The following CNOT1 variants were observed in gnomAD, a reference collection of about 807,000 sequenced individuals.
CNOT1 encodes the protein CCR4-NOT transcription complex subunit 1.
CNOT1 carries 15 observed loss-of-function variants against 273.8 expected under a neutral mutation model. The ratio of observed to expected loss-of-function variants is 0.05; its 90% CI spans 0.04 to 0.08. The LOEUF is 0.08. Among genes scored for constraint, CNOT1 ranks in the 10% least tolerant of loss-of-function variants. The pLI is 1.00. For synonymous variants in CNOT1, 1,022 were observed against 1,005.5 expected (o/e 1.02, Z -0.31); for missense variants, 1,644 against 2,912.2 (o/e 0.56, Z 10.02).
chr16:58,521,581 G>GTCA (rs1408875065), intron 47 of CNOT1, among the ~76,000 whole-genome samples: 7 of 152,158 alleles, frequency 4.6e-5, no homozygotes, highest in Non-Finnish European at 8.8e-5. Flanking sequence ...CAGAATAAGG[G>GTCA]GTGATGGGGG....
intron 1 of CNOT1, among the ~76,000 whole-genome samples, chr16:58,624,430 G>A (rs1215953957): frequency 6.6e-6 from 1 of 152,218 alleles, no homozygotes; most frequent in Non-Finnish European, 1.5e-5. Flanking sequence ...TAAGCAACAG[G>A]TATGCTGGAG....
intron 34 of CNOT1, 47 bp from the exon 35 acceptor site, chr16:58,540,006 G>T: frequency 2.6e-6 from 4 of 1,553,808 alleles, no homozygotes; most frequent in South Asian, 1.2e-5. Context: ...AGAATGTTAA[G>T]GTTTTTTATT....
chr16:58,534,201 C>T lies in CNOT1; in HGVS notation c.5841G>A (p.Val1947=). The T allele has an allele frequency of 6.2e-7, 1 of 1,614,212 alleles. No individual in the cohort carries two copies. Among genetic ancestry groups the T allele is most frequent in the East Asian group, 2.2e-5 (1 of 44,890 alleles). Residue 1947 remains valine, a synonymous_variant, in exon 40 of 49, where the codon GTG becomes GTA. Transcript: ENST00000317147. The part of the protein sequence containing the change: ...DAFVRLIALL[V]KHSGEATNTV... ...TGTTGGTGGCCTCCCCTGAGTGTTT[C>T]ACGAGCAGTGCAATGAGTCGAACAA...
rs751892212 is a variant in CNOT1 at position 58,587,802 on chromosome 16, T to A, written c.287A>T (p.Asp96Val). The change falls in exon 4 of 49, where the codon GAT becomes GTT. Residue 96 changes from aspartate to valine, a missense_variant. Transcript: ENST00000317147. ...AACCTTCTGATAGTGCAATGGATTA[T>A]CAATGGCATAGGACAGCGTCGAGAT... Reference protein sequence around the residue: ...NFISTLSYAIDNPLHYQKSLK... With the variant: ...NFISTLSYAIVNPLHYQKSLK... 2 of 1,613,942 alleles carry A rather than the reference T, an allele frequency of 1.2e-6. No homozygotes were observed. Among genetic ancestry groups the A allele is most frequent in the South Asian group, 2.2e-5 (2 of 91,072 alleles).
chr16:58,621,401 G>C (rs938145167), intron 1 of CNOT1, among the ~76,000 whole-genome samples: 1 of 151,940 alleles, frequency 6.6e-6, no homozygotes, highest in East Asian at 2.0e-4. Context: ...AGCCTCCCAA[G>C]TAGCTGAGAT....
Position 58,567,440 on chromosome 16 carries a change from TGGTGAAG to T in CNOT1, c.1980-7085_1980-7079del, listed in dbSNP as rs1439207532. Among the ~76,000 whole-genome samples the T allele has an allele frequency of 6.7e-4, 101 of 150,238 alleles. 1 individual carries two copies. The highest frequency in any genetic ancestry group is 1.7e-3 in the Admixed American group (26 of 14,934). ...GGGTTTGAGACCATCCTGGGCAACA[TGGTGAAG>T]CCCCATTTCCACAGAAAATTAAAAA... On this transcript the variant is annotated intron_variant, in intron 16 of 48. Coordinates refer to ENST00000317147, the MANE Select transcript of CNOT1 (RefSeq NM_016284.5).
At chr16:58,583,851 T>A (rs1258688444) in intron 8 of CNOT1, among the ~76,000 whole-genome samples, 1 of 151,660 alleles carries the variant, frequency 6.6e-6, no homozygotes, top group Non-Finnish European at 1.5e-5. Flanking sequence ...AAAATTTTTT[T>A]AAAACAGGCA....
chr16:58,542,385 A>C (rs1400760779), intron 32 of CNOT1, 43 bp downstream of exon 32: 4 of 1,612,996 alleles, frequency 2.5e-6, no homozygotes, highest in Non-Finnish European at 3.4e-6. Flanking sequence ...CACTTCCCTA[A>C]ATTAAAAAAG....
intron 35 of CNOT1, among the ~76,000 whole-genome samples, chr16:58,539,482 C>G (rs1423205014): frequency 6.7e-6 from 1 of 150,226 alleles, no homozygotes; most frequent in Non-Finnish European, 1.5e-5. Flanking sequence ...CACACACACA[C>G]ACACACACAC....
intron 16 of CNOT1, among the ~76,000 whole-genome samples, chr16:58,573,416 C>T (rs2041349748): frequency 6.6e-6 from 1 of 151,898 alleles, no homozygotes; most frequent in African/African-American, 2.4e-5. Context: ...CAGCAGTACT[C>T]CCCCAAATGA....
At chr16:58,606,682 A>G (rs77997007) in intron 1 of CNOT1, among the ~76,000 whole-genome samples, 1 of 152,068 alleles carries the variant, frequency 6.6e-6, no homozygotes, top group Non-Finnish European at 1.5e-5. Context: ...AGGCACCTGT[A>G]ATCCCAGCTA....
chr16:58,582,296 A>C (rs2041684748), intron 10 of CNOT1, among the ~76,000 whole-genome samples: 1 of 152,096 alleles, frequency 6.6e-6, no homozygotes, highest in Non-Finnish European at 1.5e-5. Flanking sequence ...CGTCTAAAAA[A>C]AACAAACAAA....
intron 15 of CNOT1, 84 bp from the exon 16 acceptor site, chr16:58,574,844 T>TA: frequency 6.4e-7 from 1 of 1,563,916 alleles, no homozygotes; most frequent in Non-Finnish European, 8.6e-7. Context: ...GCACTATAAC[T>TA]AAAATCCAAA....
chr16:58,598,611 C>T (rs181259828), intron 2 of CNOT1, among the ~76,000 whole-genome samples: 14 of 149,774 alleles, frequency 9.3e-5, no homozygotes, highest in Non-Finnish European at 1.5e-4. Context: ...CCACTGCACA[C>T]GAGCCTGGGC....
chr16:58,551,118 G>A lies in CNOT1; in HGVS notation c.3342+14C>T. The A allele has an allele frequency of 1.2e-6, 2 of 1,606,174 alleles. No individual in the cohort carries two copies. Among genetic ancestry groups the A allele is most frequent in the South Asian group, 1.1e-5 (1 of 88,692 alleles). On this transcript the variant is annotated intron_variant, in intron 24 of 48. Coordinates refer to ENST00000317147, the MANE Select transcript of CNOT1 (RefSeq NM_016284.5). ...AAAAAAGAAGGCATTTATAAACTAT[G>A]ACAGCATGCTCACCTTTTGTGTCAT...
Position 58,546,382 on chromosome 16 carries a change from T to G in CNOT1, c.3945A>C (p.Gln1315His). 4 of 1,613,778 alleles carry G rather than the reference T, an allele frequency of 2.5e-6. No homozygotes were observed. Among genetic ancestry groups the G allele is most frequent in the Non-Finnish European group, 3.4e-6 (4 of 1,179,886 alleles). ...DKDRLKNLDE[Q>H]LSAPKKDVKQ... is the part of the protein sequence containing the mutation. ...TGACATCTTTCTTTGGAGCAGAGAG[T>G]TGCTCATCTAAATTCTTCAGGCGAT... Residue 1315 changes from glutamine (Q) to histidine (H), a missense_variant, in exon 29 of 49, where the codon CAA becomes CAC. Coordinates refer to ENST00000317147, the MANE Select transcript of CNOT1 (RefSeq NM_016284.5).
rs560112817 is a variant in CNOT1 at position 58,568,930 on chromosome 16, G to T, written c.1979+5679C>A. Among the ~76,000 whole-genome samples the T allele has an allele frequency of 3.3e-5, 5 of 152,222 alleles. No homozygotes were observed. In the South Asian group the frequency reaches 6.2e-4, roughly 19 times the overall value. On this transcript the variant is annotated intron_variant, in intron 16 of 48. Coordinates refer to ENST00000317147, the MANE Select transcript of CNOT1 (RefSeq NM_016284.5). ...ACAATGTGCTCTGCTGAAGAAGGAA[G>T]ATCTGATTCCAGGAAATGCCATATT...
Position 58,555,309 on chromosome 16 carries a change from G to C in CNOT1, c.2833C>G (p.Pro945Ala), listed in dbSNP as rs752663788. 12 of 1,614,026 alleles carry C rather than the reference G, an allele frequency of 7.4e-6. No homozygotes were observed. The Admixed American group carries it at 1.0e-4, about 13-fold the overall frequency. The stretch of plus-strand genomic sequence containing the variant: ...AAATAATACATTTTGGATCCAAAAG[G>C]CTTGCGTAAGGCTTCAAGAACATAT... ...LRYVLEALRK[P>A]FGSKMYYFGI... The change falls in exon 21 of 49, where the codon CCT becomes GCT. Residue 945 changes from proline to alanine, a missense_variant. Pro to Ala is a conservative substitution (Grantham distance 27). Transcript: ENST00000317147.
At chr16:58,553,000 C>T (rs1323933132) in intron 22 of CNOT1, among the ~76,000 whole-genome samples, 2 of 152,150 alleles carry the variant, frequency 1.3e-5, no homozygotes, top group Non-Finnish European at 2.9e-5. Flanking sequence ...CAGGCGGGCG[C>T]GGTGGCTCAC....
Sources: allele counts gnomAD v4.1 joint callset (sites outside exome capture counted in the v4.1 genomes callset), GRCh38; gene constraint gnomAD v4.1.1; transcripts MANE v1.5; gene names NCBI Gene and HGNC (gene_info 2026-07-23, HGNC 2026-07-21).